LIN28B: variants seen among roughly 807,000 people sequenced by gnomAD.
LIN28B encodes the protein lin-28 RNA binding posttranscriptional regulator B, also known as protein lin-28 homolog B.
In LIN28B, 5 loss-of-function variants were observed where a neutral mutation model predicts 21.9. The ratio of observed to expected loss-of-function variants is 0.23; its 90% CI spans 0.12 to 0.48. The LOEUF (loss-of-function observed/expected upper bound fraction) is 0.48. Ranked by LOEUF, LIN28B falls within the 20% of genes least tolerant of loss-of-function variation. The probability of loss-of-function intolerance (pLI) is 0.98; values close to 1 mark genes in which losing one functional copy is unlikely to be tolerated. For missense variants in LIN28B, 245 were observed against 310.5 expected (o/e 0.79, Z 1.58); for synonymous variants, 109 against 111.3 (o/e 0.98, Z 0.13).
intron 2 of LIN28B, among the ~76,000 whole-genome samples, chr6:104,966,058 T>G (rs557668268): frequency 6.6e-6 from 1 of 152,174 alleles, no homozygotes; most frequent in African/African-American, 2.4e-5. Context: ...CCACTTTGTA[T>G]AGGGCTGTTA....
At chr6:105,007,400 A>G (rs576675625) in intron 2 of LIN28B, among the ~76,000 whole-genome samples, 1 of 152,322 alleles carries the variant, frequency 6.6e-6, no homozygotes, top group East Asian at 1.9e-4. Flanking sequence ...ATCACTGGCA[A>G]TGTTTAATAA....
chr6:104,969,554 A>G (rs1327415658), intron 2 of LIN28B, among the ~76,000 whole-genome samples: 3 of 152,180 alleles, frequency 2.0e-5, no homozygotes. Context: ...GGGACTCTCC[A>G]TGGGTTAATT....
chr6:104,987,087 A>G (rs1231712818), intron 2 of LIN28B, among the ~76,000 whole-genome samples: 1 of 152,204 alleles, frequency 6.6e-6, no homozygotes, highest in Non-Finnish European at 1.5e-5. Context: ...GACTTTGACA[A>G]ATCCATGAAC....
At chr6:105,067,489 C>T (rs1325446814) in intron 3 of LIN28B, among the ~76,000 whole-genome samples, 2 of 152,140 alleles carry the variant, frequency 1.3e-5, no homozygotes, top group East Asian at 3.8e-4. Context: ...AGACTGGGTC[C>T]TATTTCATAA....
intron 2 of LIN28B, among the ~76,000 whole-genome samples, chr6:105,011,631 C>T (rs1770925419): frequency 6.6e-6 from 1 of 151,236 alleles, no homozygotes; most frequent in East Asian, 2.0e-4. Flanking sequence ...AGGCAGATCA[C>T]CTGAGGTCAG....
At chr6:105,053,714 C>CGTGTGTGTGT (rs59369365) in intron 3 of LIN28B, among the ~76,000 whole-genome samples, 4,821 of 147,310 alleles carry the variant, frequency 0.033, 194 homozygotes, top group African/African-American at 0.094. Flanking sequence ...TGTGTGGGTG[C>CGTGTGTGTGT]GTGTGTGTGT....
chr6:104,993,825 G>T (rs1396285545), intron 2 of LIN28B, among the ~76,000 whole-genome samples: 1 of 133,260 alleles, frequency 7.5e-6, no homozygotes, highest in Non-Finnish European at 1.6e-5. Flanking sequence ...GACAGAGCGA[G>T]ATTGTCTCAA....
In LIN28B at chr6:105,081,471, A is replaced by G. The variant is rs1282286169; in HGVS notation, c.*2688A>G. 6.6e-6 allele frequency: 1 copy of G among 152,652 alleles called. No individual in the cohort carries two copies. Among genetic ancestry groups the G allele is most frequent in the Non-Finnish European group, 1.5e-5 (1 of 68,052 alleles). The allele number at this position is 152,652 out of a possible 1,614,324, so 9.5% of individuals were successfully genotyped here. ...GTTGATACATAGCACACCTGTATGTATGCTGTTCCAGCCTTACAGGTGGCT... is the reference window on the plus strand; with the variant it reads ...GTTGATACATAGCACACCTGTATGTGTGCTGTTCCAGCCTTACAGGTGGCT... On this transcript the variant is annotated 3_prime_UTR_variant, in exon 4 of 4. Transcript: ENST00000345080.
At chr6:105,043,331 G>C in intron 3 of LIN28B, among the ~76,000 whole-genome samples, 1 of 96,250 alleles carries the variant, frequency 1.0e-5, no homozygotes, top group South Asian at 3.7e-4. Context: ...AACAGAGTGA[G>C]ACTCTGTCTC....
chr6:104,970,754 AAAAG>A (rs777590521), intron 2 of LIN28B, among the ~76,000 whole-genome samples: 9 of 152,166 alleles, frequency 5.9e-5, no homozygotes, highest in Non-Finnish European at 1.3e-4. Flanking sequence ...CTGGCAGAAT[AAAAG>A]AAAGAAATAC....
chr6:105,064,510 C>A (rs1772184439), intron 3 of LIN28B, among the ~76,000 whole-genome samples: 1 of 152,100 alleles, frequency 6.6e-6, no homozygotes, highest in South Asian at 2.1e-4. Flanking sequence ...AAGCTGGGTT[C>A]CAGATGTTTT....
intron 2 of LIN28B, among the ~76,000 whole-genome samples, chr6:104,976,721 A>G (rs1164212432): frequency 6.6e-6 from 1 of 152,190 alleles, no homozygotes; most frequent in Non-Finnish European, 1.5e-5. Flanking sequence ...CATATTGTAA[A>G]TGAGCAAAGA....
chr6:105,036,699 T>A (rs1221647963), intron 3 of LIN28B, among the ~76,000 whole-genome samples: 1 of 152,222 alleles, frequency 6.6e-6, no homozygotes, highest in Non-Finnish European at 1.5e-5. Context: ...AATTTTAGGT[T>A]GATTTTCTGA....
At chr6:105,075,259 A>G (rs148965730) in intron 3 of LIN28B, among the ~76,000 whole-genome samples, 128 of 152,328 alleles carry the variant, frequency 8.4e-4, no homozygotes, top group Non-Finnish European at 1.3e-3. Context: ...CATTCCAACT[A>G]CAAAGGCAAA....
At chr6:105,047,050 C>T (rs1381487831) in intron 3 of LIN28B, among the ~76,000 whole-genome samples, 7 of 152,218 alleles carry the variant, frequency 4.6e-5, no homozygotes, top group African/African-American at 1.4e-4. Context: ...TGTTGGCTTT[C>T]GTTGCCATTG....
At chr6:104,966,834 G>A (rs1396706036) in intron 2 of LIN28B, among the ~76,000 whole-genome samples, 1 of 152,130 alleles carries the variant, frequency 6.6e-6, no homozygotes. Context: ...AGTTAGCCAG[G>A]ATGGTCTCAA....
intron 2 of LIN28B, among the ~76,000 whole-genome samples, chr6:104,943,616 T>C (rs992827937): frequency 1.3e-5 from 2 of 152,164 alleles, no homozygotes; most frequent in African/African-American, 4.8e-5. Flanking sequence ...TTACAAATTT[T>C]TGGACAACTA....
intron 3 of LIN28B, among the ~76,000 whole-genome samples, chr6:105,074,382 C>T (rs1395298115): frequency 6.6e-6 from 1 of 151,924 alleles, no homozygotes; most frequent in African/African-American, 2.4e-5. Flanking sequence ...TTATTTTTAG[C>T]AGAGACAGGG....
At chr6:105,027,523 A>G (rs559416205) in intron 3 of LIN28B, among the ~76,000 whole-genome samples, 9 of 152,042 alleles carry the variant, frequency 5.9e-5, no homozygotes, top group African/African-American at 2.2e-4. Context: ...TTCTCTTGAT[A>G]TATTTAGGAT....
Sources: allele counts gnomAD v4.1 joint callset (sites outside exome capture counted in the v4.1 genomes callset), GRCh38; gene constraint gnomAD v4.1.1; transcripts MANE v1.5; gene names NCBI Gene and HGNC (gene_info 2026-07-23, HGNC 2026-07-21).